MAP4K4: variants seen among roughly 807,000 people sequenced by gnomAD.
MAP4K4 encodes mitogen-activated protein kinase kinase kinase kinase 4, also known as HPK/GCK-like kinase HGK.
Under a neutral mutation model 189.6 loss-of-function variants are expected in MAP4K4, and 38 were observed. That is an observed-to-expected ratio of 0.20 (90% confidence interval 0.15 to 0.26). The LOEUF (loss-of-function observed/expected upper bound fraction) is 0.26. Ranked by LOEUF, MAP4K4 falls within the 10% of genes least tolerant of loss-of-function variation. The pLI, the probability that MAP4K4 is intolerant of heterozygous loss-of-function variation, is 1.00. For synonymous variants in MAP4K4, 610 were observed against 624.3 expected, an observed-to-expected ratio of 0.98 and a Z score of 0.34; for missense variants, 1,054 against 1,726.9, an observed-to-expected ratio of 0.61 and a Z score of 6.91.
chr2:101,879,276 T>G (rs2098310265), intron 27 of MAP4K4, among the ~76,000 whole-genome samples: 2 of 149,388 alleles, frequency 1.3e-5, no homozygotes, highest in African/African-American at 2.4e-5. Context: ...TTTTCTGTTT[T>G]TTTTTTTTTT....
In MAP4K4 at chr2:101,755,939, T is replaced by C. The variant is rs1229101778; in HGVS notation, c.124-34781T>C. Among the ~76,000 whole-genome samples, 26 of 127,820 alleles carry C rather than the reference T, an allele frequency of 2.0e-4. 2 individuals are homozygous for C. Among genetic ancestry groups the C allele is most frequent in the South Asian group, 1.4e-3 (5 of 3,570 alleles). 83.9% of individuals were successfully genotyped at this position (127,820 alleles called of 152,430 possible). On this transcript the variant is annotated intron_variant, in intron 2 of 32. Coordinates refer to ENST00000324219, the Ensembl canonical transcript of MAP4K4. ...GTATGAGTTCTTTTTCTTTTTTTTT[T>C]TTTTTTTTTTTTTTTTTTTGAGACA...
At chr2:101,828,723 A>G (rs918765916) in intron 5 of MAP4K4, among the ~76,000 whole-genome samples, 1 of 152,208 alleles carries the variant, frequency 6.6e-6, no homozygotes, top group South Asian at 2.1e-4. Flanking sequence ...GGTTGCTTGT[A>G]TCTTAAGGAG....
chr2:101,785,415 A>G (rs2090137270), intron 2 of MAP4K4, among the ~76,000 whole-genome samples: 1 of 152,174 alleles, frequency 6.6e-6, no homozygotes, highest in African/African-American at 2.4e-5. Context: ...GGTTGGTATT[A>G]GACCATCTCT....
chr2:101,764,974 T>C (rs954376067), intron 2 of MAP4K4, among the ~76,000 whole-genome samples: 4 of 152,238 alleles, frequency 2.6e-5, no homozygotes, highest in African/African-American at 9.6e-5. Context: ...TGCAATACTG[T>C]AGGTAATATA....
chr2:101,725,418 C>CA (rs2054749802), intron 2 of MAP4K4, among the ~76,000 whole-genome samples: 1 of 149,630 alleles, frequency 6.7e-6, no homozygotes, highest in African/African-American at 2.4e-5. Context: ...AAAAAAAAAC[C>CA]AAAAAACAAA....
At chr2:101,750,778 T>C (rs1174479710) in intron 2 of MAP4K4, among the ~76,000 whole-genome samples, 1 of 150,780 alleles carries the variant, frequency 6.6e-6, no homozygotes, top group African/African-American at 2.4e-5. Context: ...TGAGCCAAGA[T>C]TGCACCACTT....
At chr2:101,839,710 TCA>T (rs1462170441) in intron 9 of MAP4K4, 107 bp from the exon 10 acceptor site, 20 of 788,794 alleles carry the variant, frequency 2.5e-5, no homozygotes, top group Non-Finnish European at 3.6e-5. Flanking sequence ...TGCAGAATGT[TCA>T]CAGTGAATTC....
chr2:101,834,307 T>G (rs2096679591), intron 7 of MAP4K4, 102 bp from the exon 8 acceptor site: 1 of 861,720 alleles, frequency 1.2e-6, no homozygotes, highest in African/African-American at 1.7e-5. Context: ...CTGGCAAATT[T>G]CCTTTTGGTT....
intron 27 of MAP4K4, among the ~76,000 whole-genome samples, chr2:101,882,052 A>G (rs1473945730): frequency 1.3e-5 from 2 of 152,250 alleles, no homozygotes; most frequent in Non-Finnish European, 1.5e-5. Context: ...TATGTAAGAT[A>G]TGCACATATC....
intron 2 of MAP4K4, among the ~76,000 whole-genome samples, chr2:101,780,680 C>T (rs1422780880): frequency 6.6e-6 from 1 of 152,192 alleles, no homozygotes; most frequent in Admixed American, 6.5e-5. Context: ...CCCACTTGGT[C>T]ACTAAGAGGC....
chr2:101,883,143 T>G (rs973068069), intron 28 of MAP4K4, among the ~76,000 whole-genome samples: 1 of 152,096 alleles, frequency 6.6e-6, no homozygotes, highest in Non-Finnish European at 1.5e-5. Flanking sequence ...CTGATAAGAG[T>G]GTTTGAGAGT....
chr2:101,893,352 C>T (rs1306340788), exon 33 of MAP4K4: 1 of 428,484 alleles, frequency 2.3e-6, no homozygotes, highest in East Asian at 7.0e-5. Context: ...AAGGCCAAAG[C>T]CGCCTACTGG....
At chr2:101,863,993 C>T (rs775888323) in exon 17 of MAP4K4, 31 of 1,367,560 alleles carry the variant, frequency 2.3e-5, no homozygotes, top group Middle Eastern at 4.2e-4. Flanking sequence ...AAGTCAGAGG[C>T]GCCTGACCCT....
intron 3 of MAP4K4, among the ~76,000 whole-genome samples, chr2:101,799,264 TA>T (rs372764387): frequency 6.6e-6 from 1 of 152,240 alleles, no homozygotes; most frequent in African/African-American, 2.4e-5. Flanking sequence ...TTGTCAGAAT[TA>T]AAATTAATGT....
intron 2 of MAP4K4, among the ~76,000 whole-genome samples, chr2:101,714,378 T>C (rs1011259726): frequency 6.6e-6 from 1 of 152,220 alleles, no homozygotes; most frequent in African/African-American, 2.4e-5. Flanking sequence ...TTGAGAAAGT[T>C]ATGCCATCTT....
intron 2 of MAP4K4, among the ~76,000 whole-genome samples, chr2:101,703,238 G>T (rs2040040898): frequency 6.6e-6 from 1 of 151,798 alleles, no homozygotes; most frequent in Non-Finnish European, 1.5e-5. Context: ...AGAGGTTGGG[G>T]TGGATACTTG....
At chr2:101,735,010 A>G (rs2059814729) in intron 2 of MAP4K4, among the ~76,000 whole-genome samples, 1 of 152,150 alleles carries the variant, frequency 6.6e-6, no homozygotes, top group African/African-American at 2.4e-5. Flanking sequence ...AGACAATGAA[A>G]ATGCACCAGA....
intron 24 of MAP4K4, among the ~76,000 whole-genome samples, 181 bp from the exon 25 acceptor site, chr2:101,873,465 GC>G (rs1311593271): frequency 5.3e-5 from 8 of 152,130 alleles, no homozygotes; most frequent in Non-Finnish European, 1.0e-4. Flanking sequence ...AGGTAAAGCT[GC>G]CCTGAGGGGT....
chr2:101,891,987 T>TAAAAAAAAAAAAA (rs60620198), exon 33 of MAP4K4: 2 of 59,818 alleles, frequency 3.3e-5, no homozygotes, highest in Non-Finnish European at 5.6e-5. Context: ...CAGATGGTTC[T>TAAAAAAAAAAAAA]AAAAAAAAAA....
Sources: allele counts gnomAD v4.1 joint callset (sites outside exome capture counted in the v4.1 genomes callset), GRCh38; gene constraint gnomAD v4.1.1; transcripts MANE v1.5; gene names NCBI Gene and HGNC (gene_info 2026-07-23, HGNC 2026-07-21).